Variants in LAMB2 observed in about 807,000 individuals in gnomAD.
The protein encoded by LAMB2 is laminin subunit beta 2.
Under a neutral mutation model 202.7 loss-of-function variants are expected in LAMB2, and 119 were observed. That is an observed-to-expected ratio of 0.59 (90% CI 0.51 to 0.68). The LOEUF (loss-of-function observed/expected upper bound fraction) is 0.68. Ranked by LOEUF, LAMB2 falls within the 30% of genes least tolerant of loss-of-function variation. The pLI is 0.00. For missense variants in LAMB2, 2,124 were observed against 2,410.6 expected (o/e 0.88, Z 2.49); for synonymous variants, 818 against 902.2 (o/e 0.91, Z 1.67).
In LAMB2 at chr3:49,124,606, G is replaced by A. The variant is rs1160891833; in HGVS notation, c.3116C>T (p.Thr1039Ile). The A allele has an allele frequency of 2.5e-6, 4 of 1,613,616 alleles. No homozygotes were observed. Among genetic ancestry groups the A allele is most frequent in the Middle Eastern group, 1.6e-4 (1 of 6,062 alleles). Residue 1039 changes from threonine (T) to isoleucine (I), a missense_variant, in exon 22 of 32, where the codon ACA becomes ATA. By Grantham distance (89) the Thr-to-Ile change is moderately conservative. This residue lies in a region of LAMB2 where 1,702 missense variants were observed against 1,896.3 expected (regional missense o/e 0.90). Transcript: ENST00000305544. ...QAARQSCHRC[T>I]CNLLGTNPQQ... ...CGGATTTGTGCCCAGCAGGTTGCAT[G>A]TGCAGCCTGTGCCAACCAAGATGAG...
In LAMB2 at chr3:49,130,917, CT is replaced by C. The variant is rs1560076518; in HGVS notation, c.915+32del. 9 of 1,614,054 alleles carry C rather than the reference CT, an allele frequency of 5.6e-6. No homozygotes were observed. The Admixed American group carries it at 1.0e-4, about 18-fold the overall frequency. ...TGCTCAGCCATGTCCGCCCCTGCCCCTAGCCCTATCCCAACCGTCTGAAGCC... is the reference window on the plus strand; with the variant it reads ...TGCTCAGCCATGTCCGCCCCTGCCCCAGCCCTATCCCAACCGTCTGAAGCC... On this transcript the variant is annotated intron_variant, in intron 7 of 31. Transcript: ENST00000305544. This position sits in a 1 kb window ranked among gnomAD's most constrained non-coding sequence, Gnocchi z 5.0.
chr3:49,125,164 A>C lies in LAMB2; in HGVS notation c.2726T>G (p.Ile909Ser), dbSNP rs201756319. 2.5e-6 allele frequency: 4 copies of C among 1,613,524 alleles called. No homozygotes were observed. The highest frequency in any genetic ancestry group is 3.4e-6 in the Non-Finnish European group (4 of 1,179,920). The change falls in exon 20 of 32, where the codon ATT (isoleucine) becomes AGT (serine). Residue 909 changes from isoleucine (I) to serine (S), a missense_variant. By Grantham distance (142) the Ile-to-Ser change is moderately radical (BLOSUM62 -2). Coordinates refer to ENST00000305544, the MANE Select transcript of LAMB2 (RefSeq NM_002292.4). ...HTGGEHCERCIAGFHGDPRLP... is the reference protein window; with the variant it reads ...HTGGEHCERCSAGFHGDPRLP... ...CCGTGGGTCCCCGTGGAAACCAGCAATGCACCTGCAGGGAGGAGGAAGAAG... is the reference window on the plus strand; with the variant it reads ...CCGTGGGTCCCCGTGGAAACCAGCACTGCACCTGCAGGGAGGAGGAAGAAG...
At position 49,123,775 on chromosome 3, in the gene LAMB2, G is replaced by T; in HGVS notation, c.3750C>A (p.Thr1250=). 2 of 1,613,386 alleles carry T rather than the reference G, an allele frequency of 1.2e-6. No individual in the cohort carries two copies. The highest frequency in any genetic ancestry group is 1.7e-6 in the Non-Finnish European group (2 of 1,180,038). The change falls in exon 24 of 32, where the codon ACC becomes ACA. Residue 1250 remains threonine, a synonymous_variant. Coordinates refer to ENST00000305544, the MANE Select transcript of LAMB2 (RefSeq NM_002292.4). ...IVQGIVGARN[T]SAASTAQLVE... is the part of the protein sequence containing the mutation. ...CAAGCTGTGCAGTGGAGGCGGCTGA[G>T]GTGTTGCGGGCACCTACGATGCCCT...
In LAMB2 at chr3:49,130,611, G is replaced by A. The variant is rs1337308029; in HGVS notation, c.1036+129C>T. On this transcript the variant is annotated intron_variant, in intron 8 of 31. Coordinates refer to ENST00000305544, the MANE Select transcript of LAMB2 (RefSeq NM_002292.4). The surrounding 1 kb of genome is among the most constrained non-coding windows in gnomAD (Gnocchi z 5.0). The stretch of plus-strand genomic sequence containing the variant: ...AGGAGGATTGAGGGGGTCCCAAGGG[G>A]CATCAAGGTCTGCATACTCTTTGGA... 1.4e-6 allele frequency: 2 copies of A among 1,450,832 alleles called. No homozygotes were observed. The highest frequency in any genetic ancestry group is 1.4e-5 in the African/African-American group (1 of 71,778). The allele number at this position is 1,450,832 out of a possible 1,614,324, so 89.9% of individuals were successfully genotyped here.
chr3:49,130,737 C>T lies in LAMB2; in HGVS notation c.1036+3G>A. 1 of 1,613,916 alleles carries T rather than the reference C, an allele frequency of 6.2e-7. No individual in the cohort carries two copies. The highest frequency in any genetic ancestry group is 8.5e-7 in the Non-Finnish European group (1 of 1,180,014). On this transcript the variant is annotated splice_donor_region_variant and intron_variant, in intron 8 of 31. Transcript: ENST00000305544. The surrounding 1 kb of genome is among the most constrained non-coding windows in gnomAD (Gnocchi z 5.0). ...GAGCTATGGAGGCCAAGATCTCACT[C>T]ACTCCTACAGGCATGACTATGGCCG... is the stretch of plus-strand genomic sequence containing the variant.
Position 49,128,590 on chromosome 3 carries a change from G to A in LAMB2, c.1891-5C>T, listed in dbSNP as rs749186892. On this transcript the variant is annotated splice_polypyrimidine_tract_variant and splice_region_variant and intron_variant, in intron 14 of 31. Coordinates refer to ENST00000305544, the MANE Select transcript of LAMB2 (RefSeq NM_002292.4). ...CTCTGCCCATTGCTCAGGGACCTGG[G>A]AAAACGGGATGATGGAGGAGATGCT... 7 of 1,614,136 alleles carry A rather than the reference G, an allele frequency of 4.3e-6. No individual in the cohort carries two copies. The East Asian group carries it at 1.3e-4, about 31-fold the overall frequency.
In LAMB2 at chr3:49,129,656, C is replaced by T. The variant is rs1327470721; in HGVS notation, c.1466G>A (p.Gly489Glu). 2 of 1,614,194 alleles carry T rather than the reference C, an allele frequency of 1.2e-6. No homozygotes were observed. Among genetic ancestry groups the T allele is most frequent in the Non-Finnish European group, 1.7e-6 (2 of 1,180,028 alleles). The stretch of plus-strand genomic sequence containing the variant: ...CACTAGACGTTTGCAGTAACAGGAT[C>T]CACTGTTGGGGTCACAAGGAGTGCT... ...PGSTPCDPNS[G>E]SCYCKRLVTG... is the part of the protein sequence containing the mutation. Residue 489 changes from glycine (G) to glutamate (E), a missense_variant, in exon 11 of 32, where the codon GGA becomes GAA. Gly to Glu is a moderately conservative substitution (Grantham distance 98). Around this residue, in one of 3 missense-constraint regions of LAMB2, gnomAD observed 1,702 missense variants for 1,896.3 expected, o/e 0.90. Transcript: ENST00000305544. This position sits in a 1 kb window ranked among gnomAD's most constrained non-coding sequence, Gnocchi z 6.1.
At position 49,132,746 on chromosome 3, in the gene LAMB2, C is replaced by T; in HGVS notation, c.76+46G>A. 3.7e-6 allele frequency: 6 copies of T among 1,613,480 alleles called. No individual in the cohort carries two copies. Among genetic ancestry groups the T allele is most frequent in the Non-Finnish European group, 4.2e-6 (5 of 1,179,370 alleles). On this transcript the variant is annotated intron_variant, in intron 1 of 31. Transcript: ENST00000305544. The surrounding 1 kb of genome is among the most constrained non-coding windows in gnomAD (Gnocchi z 4.6). Reference sequence around the variant, plus strand: ...GTGCCCCAAGGGCAACTACCAGGACCTACCATCACATTCCACAACCCCCAG... The same window carrying T: ...GTGCCCCAAGGGCAACTACCAGGACTTACCATCACATTCCACAACCCCCAG...
Position 49,132,834 on chromosome 3 carries a change from G to C in LAMB2, c.34C>G (p.Gln12Glu). 1.2e-6 allele frequency: 2 copies of C among 1,614,178 alleles called. No homozygotes were observed. The highest frequency in any genetic ancestry group is 1.7e-6 in the Non-Finnish European group (2 of 1,180,038). ...ELTSRERGRG[Q>E]PLPWELRLGL... is the part of the protein sequence containing the mutation. ...AGTCGAAGTTCCCAGGGCAGAGGCT[G>C]TCCCCTCCCTCTTTCCCTTGAGGTC... The change falls in exon 1 of 32, where the codon CAG becomes GAG. Residue 12 changes from glutamine to glutamate, a missense_variant. Physicochemically the swap from Gln to Glu is conservative, Grantham distance 29. Transcript: ENST00000305544. This position sits in a 1 kb window ranked among gnomAD's most constrained non-coding sequence, Gnocchi z 4.6.
Position 49,130,160 on chromosome 3 carries a change from G to T in LAMB2, c.1225+71C>A. ...CCTAACCCCAATTTCCTGCAATTTA[G>T]ACAGCAGTCCAGCTCTCTAGTTCCT... On this transcript the variant is annotated intron_variant, in intron 9 of 31. Coordinates refer to ENST00000305544, the MANE Select transcript of LAMB2 (RefSeq NM_002292.4). The surrounding 1 kb of genome is among the most constrained non-coding windows in gnomAD (Gnocchi z 5.0). The T allele has an allele frequency of 6.3e-7, 1 of 1,596,990 alleles. No homozygotes were observed.
rs753239960 is a variant in LAMB2, at chr3:49,123,392, G to A, written c.3983-19C>T. On this transcript the variant is annotated intron_variant, in intron 25 of 31. Transcript: ENST00000305544. ...TAGGCACCTAAATTGGGCAGAGGCA[G>A]ACAGTCAGCTGAAGACTGACCCTGG... The A allele has an allele frequency of 3.1e-6, 5 of 1,614,032 alleles. No individual in the cohort carries two copies. Among genetic ancestry groups the A allele is most frequent in the Non-Finnish European group, 3.4e-6 (4 of 1,180,046 alleles).
Position 49,121,823 on chromosome 3 carries a change from C to G in LAMB2, c.4961G>C (p.Ser1654Thr), listed in dbSNP as rs919136970. 6.2e-7 allele frequency: 1 copy of G among 1,612,992 alleles called. No individual in the cohort carries two copies. Among genetic ancestry groups the G allele is most frequent in the Non-Finnish European group, 8.5e-7 (1 of 1,179,980 alleles). ...CTGCCGAGCCCTTTCACCTGCAGAG[C>G]TCAGTGCCCGCTCTGCACCTGCCAT... is the stretch of plus-strand genomic sequence containing the variant. ...ERMAGAERAL[S>T]SAGERARQLD... Residue 1654 changes from serine to threonine, a missense_variant, in exon 30 of 32, where the codon AGC becomes ACC. Ser to Thr is a moderately conservative substitution (Grantham distance 58). Transcript: ENST00000305544.
At chr3:49,123,106 T>TGCCCCACCC (rs764208087) in intron 26 of LAMB2, 26 bp downstream of exon 26, 2 of 1,608,472 alleles carry the variant, frequency 1.2e-6, no homozygotes, top group Admixed American at 3.3e-5. Flanking sequence ...TACACCCACC[T>TGCCCCACCC]GCCCCACCCA....
intron 15 of LAMB2, among the ~76,000 whole-genome samples, chr3:49,126,866 CTCTT>C (rs1381772383): frequency 6.6e-5 from 10 of 152,344 alleles, no homozygotes; most frequent in African/African-American, 9.6e-5. Flanking sequence ...CGCCCCCTCT[CTCTT>C]TGTCTCCAAG....
rs561280596 is a variant in LAMB2 at position 49,123,412 on chromosome 3, C to T, written c.3982+35G>A. 51 of 1,614,052 alleles carry T rather than the reference C, an allele frequency of 3.2e-5. No individual in the cohort carries two copies. The South Asian group carries it at 5.4e-4, about 17-fold the overall frequency. The stretch of plus-strand genomic sequence containing the variant: ...AGGCAGACAGTCAGCTGAAGACTGA[C>T]CCTGGTCCACCTGCCTAGTTGGCTA... On this transcript the variant is annotated intron_variant, in intron 25 of 31. Coordinates refer to ENST00000305544, the MANE Select transcript of LAMB2 (RefSeq NM_002292.4).
At chr3:49,125,699 A>G (rs758297223) in intron 18 of LAMB2, 48 bp downstream of exon 18, 12 of 1,603,280 alleles carry the variant, frequency 7.5e-6, no homozygotes, top group Middle Eastern at 1.7e-4. Context: ...GAGAACAGTA[A>G]TGGGAAGGAG....
At position 49,129,004 on chromosome 3, in the gene LAMB2, G is replaced by T. The variant is rs751094333; in HGVS notation, c.1731+16C>A. 19 of 1,606,210 alleles carry T rather than the reference G, an allele frequency of 1.2e-5. No individual in the cohort carries two copies. In the East Asian group the frequency reaches 4.2e-4, roughly 36 times the overall value. ...CCACCCACATCCAGCCCTCTGCTTA[G>T]GGGGAGGCCCCACACCTGCCCTCGG... On this transcript the variant is annotated intron_variant, in intron 13 of 31. Coordinates refer to ENST00000305544, the MANE Select transcript of LAMB2 (RefSeq NM_002292.4). This position sits in a 1 kb window ranked among gnomAD's most constrained non-coding sequence, Gnocchi z 6.1.
At position 49,121,417 on chromosome 3, in the gene LAMB2, G is replaced by GTGCCCCA. The variant is rs1235162179; in HGVS notation, c.5260+9_5260+15dup. 1 of 1,614,048 alleles carries GTGCCCCA rather than the reference G, an allele frequency of 6.2e-7. No individual in the cohort carries two copies. The highest frequency in any genetic ancestry group is 1.7e-5 in the Admixed American group (1 of 60,020). On this transcript the variant is annotated intron_variant, in intron 31 of 31. Coordinates refer to ENST00000305544, the MANE Select transcript of LAMB2 (RefSeq NM_002292.4). Reference sequence around the variant, plus strand: ...GGTTTCCCGCAGTCTTGTGTCTCTGGTGCCCCATTTCTTACCCTGTAGCCG... The same window carrying GTGCCCCA: ...GGTTTCCCGCAGTCTTGTGTCTCTGGTGCCCCATGCCCCATTTCTTACCCTGTAGCCG...
Position 49,132,449 on chromosome 3 carries a change from G to A in LAMB2, c.249+42C>T. 1 of 1,614,190 alleles carries A rather than the reference G, an allele frequency of 6.2e-7. No homozygotes were observed. Among genetic ancestry groups the A allele is most frequent in the Non-Finnish European group, 8.5e-7 (1 of 1,180,016 alleles). On this transcript the variant is annotated intron_variant, in intron 2 of 31. Coordinates refer to ENST00000305544, the MANE Select transcript of LAMB2 (RefSeq NM_002292.4). The surrounding 1 kb of genome is among the most constrained non-coding windows in gnomAD (Gnocchi z 4.6). Reference sequence around the variant, plus strand: ...AGAATCAGTGCCTCAGGCAGTGCCAGCCCCACCCTGACTCGGCGTCACACC... The same window carrying A: ...AGAATCAGTGCCTCAGGCAGTGCCAACCCCACCCTGACTCGGCGTCACACC...
Sources: gnomAD v4.1 joint callset for allele counts (sites outside exome capture counted in the v4.1 genomes callset) on GRCh38, gnomAD v4.1.1 for gene constraint, gnomAD v4.1.1 regional missense constraint, Gnocchi (gnomAD v3.1) non-coding constraint, MANE v1.5 for transcripts, NCBI Gene and HGNC (gene_info 2026-07-23, HGNC 2026-07-21) for gene names.